The following SGPP2 variants were observed in gnomAD, a reference collection of about 807,000 sequenced individuals.
SGPP2 encodes the protein sphingosine-1-phosphate phosphatase 2.
SGPP2 carries 30 observed loss-of-function variants against 33.9 expected under a neutral mutation model. The ratio of observed to expected loss-of-function variants is 0.89; its 90% confidence interval spans 0.66 to 1.20. SGPP2 has a LOEUF of 1.20. Ranked by LOEUF, SGPP2 falls within the 50% of genes most tolerant of loss-of-function variation. The pLI is 0.00. For missense variants in SGPP2, 458 were observed against 532.1 expected, an observed-to-expected ratio of 0.86 and a Z score of 1.37; for synonymous variants, 233 against 225.0, an observed-to-expected ratio of 1.04 and a Z score of -0.32.
intron 2 of SGPP2, among the ~76,000 whole-genome samples, chr2:222,478,267 T>TTGTGTGTGTGTGTGTGTG (rs113118208): frequency 4.2e-5 from 6 of 141,488 alleles, no homozygotes; most frequent in African/African-American, 1.6e-4. Context: ...GTGCATGCAT[T>TTGTGTGTGTGTGTGTGTG]TGTGTGTGTG....
chr2:222,454,395 T>G (rs1489129274), intron 1 of SGPP2, among the ~76,000 whole-genome samples: 1 of 152,168 alleles, frequency 6.6e-6, no homozygotes, highest in African/African-American at 2.4e-5. Flanking sequence ...TCTGCCAAGG[T>G]GAAAACCTCA....
Position 222,559,647 on chromosome 2 carries a change from G to T in SGPP2, c.*749G>T, listed in dbSNP as rs1382723820. ...CCCAGCTAATTTTTGTAGAGACAGG[G>T]TTTCTCCATGTTGCCCAGGTACGTC... On this transcript the variant is annotated 3_prime_UTR_variant, in exon 5 of 5. Transcript: ENST00000321276. 6.6e-6 allele frequency: 1 copy of T among 152,282 alleles called. No homozygotes were observed. The highest frequency in any genetic ancestry group is 2.4e-5 in the African/African-American group (1 of 41,386). 9.4% of individuals were successfully genotyped at this position (152,282 alleles called of 1,614,324 possible). A position where few individuals can be genotyped will look rare whatever the true frequency, so the allele number is the denominator to read the frequency against.
intron 1 of SGPP2, among the ~76,000 whole-genome samples, chr2:222,442,304 C>T (rs530177931): frequency 3.3e-5 from 5 of 152,190 alleles, no homozygotes; most frequent in Non-Finnish European, 4.4e-5. Flanking sequence ...TTGCAGGCAA[C>T]GTCTTGGGCA....
At position 222,485,449 on chromosome 2, in the gene SGPP2, G is replaced by A. The variant is rs527440508; in HGVS notation, c.378+10723G>A. 7.2e-5 allele frequency among the ~76,000 whole-genome samples: 11 copies of A among 152,320 alleles called. No individual in the cohort carries two copies. In the East Asian group the frequency reaches 1.5e-3, roughly 21 times the overall value. On this transcript the variant is annotated intron_variant, in intron 2 of 4. Coordinates refer to ENST00000321276, the MANE Select transcript of SGPP2 (RefSeq NM_152386.4). ...GAGCATCACAGGGACCTAGCAGGGC[G>A]GAGAAGGGCTTTGGTACTTTTGTTT...
At chr2:222,431,529 A>G (rs914266196) in intron 1 of SGPP2, among the ~76,000 whole-genome samples, 4 of 152,054 alleles carry the variant, frequency 2.6e-5, no homozygotes, top group African/African-American at 9.7e-5. Context: ...AAGTCTAAAA[A>G]TTTTACAAGG....
chr2:222,463,569 A>G (rs1439402245), intron 1 of SGPP2, among the ~76,000 whole-genome samples: 1 of 152,242 alleles, frequency 6.6e-6, no homozygotes, highest in Non-Finnish European at 1.5e-5. Flanking sequence ...GAGGAGTAGC[A>G]TGAAGATACC....
At chr2:222,475,068 A>G (rs1321914396) in intron 2 of SGPP2, among the ~76,000 whole-genome samples, 1 of 152,012 alleles carries the variant, frequency 6.6e-6, no homozygotes, top group African/African-American at 2.4e-5. Context: ...CAGGGAGAGG[A>G]CCAGTTTTAG....
At chr2:222,487,705 C>G (rs928378829) in intron 2 of SGPP2, among the ~76,000 whole-genome samples, 1 of 152,088 alleles carries the variant, frequency 6.6e-6, no homozygotes, top group Non-Finnish European at 1.5e-5. Context: ...GGTGGCAGTG[C>G]GCTGGCAACA....
chr2:222,428,992 A>T (rs1697113352), intron 1 of SGPP2, among the ~76,000 whole-genome samples: 1 of 151,870 alleles, frequency 6.6e-6, no homozygotes. Context: ...GGGTTTTGCC[A>T]TGTTGGCCAG....
chr2:222,513,462 C>T (rs1050549932), intron 2 of SGPP2, among the ~76,000 whole-genome samples: 1 of 152,146 alleles, frequency 6.6e-6, no homozygotes, highest in Non-Finnish European at 1.5e-5. Context: ...GTACCTGGTC[C>T]ATATGATTCA....
chr2:222,542,815 CTT>C (rs753273511), intron 4 of SGPP2, among the ~76,000 whole-genome samples: 3 of 142,402 alleles, frequency 2.1e-5, no homozygotes, highest in Non-Finnish European at 3.1e-5. Context: ...TTTTCTTTTC[CTT>C]TTTTTTTTTT....
At chr2:222,467,439 T>C (rs1324266554) in intron 1 of SGPP2, among the ~76,000 whole-genome samples, 1 of 152,218 alleles carries the variant, frequency 6.6e-6, no homozygotes, top group African/African-American at 2.4e-5. Flanking sequence ...CTGTGTGCTA[T>C]GTACTCTTAT....
intron 1 of SGPP2, among the ~76,000 whole-genome samples, chr2:222,458,868 C>T (rs988919356): frequency 4.6e-5 from 7 of 152,130 alleles, no homozygotes; most frequent in Admixed American, 3.3e-4. Context: ...TGAGGGCTTT[C>T]GTACTTTTAA....
intron 1 of SGPP2, among the ~76,000 whole-genome samples, chr2:222,459,142 C>CTTTCTTTTTTTTTTTTTTT (rs1414316448): frequency 5.3e-5 from 5 of 94,460 alleles, no homozygotes; most frequent in Admixed American, 1.2e-4. Context: ...TTCTTTCTTT[C>CTTTCTTTTTTTTTTTTTTT]TTTTTTTTTT....
chr2:222,435,013 T>C (rs987509465), intron 1 of SGPP2, among the ~76,000 whole-genome samples: 14 of 134,820 alleles, frequency 1.0e-4, no homozygotes, highest in East Asian at 2.3e-4. Flanking sequence ...CACACACACA[T>C]ATGTGTATAT....
At chr2:222,435,311 G>A (rs1697223314) in intron 1 of SGPP2, among the ~76,000 whole-genome samples, 1 of 152,054 alleles carries the variant, frequency 6.6e-6, no homozygotes, top group Admixed American at 6.6e-5. Context: ...TTCTAGCTGA[G>A]GTGGCAGCTG....
At chr2:222,507,239 G>A (rs1698458506) in intron 2 of SGPP2, among the ~76,000 whole-genome samples, 1 of 152,102 alleles carries the variant, frequency 6.6e-6, no homozygotes, top group African/African-American at 2.4e-5. Context: ...CTATGAAAAA[G>A]TCCTGGTGCA....
rs377738643 is a variant in SGPP2 at position 222,450,853 on chromosome 2, G to A, written c.220-23715G>A. On this transcript the variant is annotated intron_variant, in intron 1 of 4. Coordinates refer to ENST00000321276, the MANE Select transcript of SGPP2 (RefSeq NM_152386.4). ...GGCTTTCCCATGCATCCTAGAACTC[G>A]AACTCTGATGAAAGCATTTCTTTAG... Among the ~76,000 whole-genome samples, 263 of 152,256 alleles carry A rather than the reference G, an allele frequency of 1.7e-3. 2 individuals carry two copies. The highest frequency in any genetic ancestry group is 0.017 in the Middle Eastern group (5 of 294).
chr2:222,525,597 G>A (rs1021096835), intron 4 of SGPP2, among the ~76,000 whole-genome samples: 1 of 152,166 alleles, frequency 6.6e-6, no homozygotes, highest in Admixed American at 6.5e-5. Flanking sequence ...TTCCAGGGCC[G>A]CCATGATTGG....
Sources: gnomAD v4.1 joint callset for allele counts (sites outside exome capture counted in the v4.1 genomes callset) on GRCh38, gnomAD v4.1.1 for gene constraint, MANE v1.5 for transcripts, NCBI Gene and HGNC (gene_info 2026-07-23, HGNC 2026-07-21) for gene names.